The following SCIN variants were observed in gnomAD, a reference collection of about 807,000 sequenced individuals.
SCIN encodes scinderin.
SCIN carries 91 observed loss-of-function variants against 91.8 expected under a neutral mutation model. That is an observed-to-expected ratio of 0.99 (90% CI 0.84 to 1.18). The LOEUF is 1.18. Ranked by LOEUF, SCIN falls within the 50% of genes most tolerant of loss-of-function variation. The pLI, the probability that SCIN is intolerant of heterozygous loss-of-function variation, is 0.00. For synonymous variants in SCIN, 367 were observed against 312.6 expected (o/e 1.17, Z -1.84); for missense variants, 1,087 against 863.9 (o/e 1.26, Z -3.24).
At chr7:12,642,196 C>A (rs1188348129) in intron 11 of SCIN, among the ~76,000 whole-genome samples, 1 of 151,924 alleles carries the variant, frequency 6.6e-6, no homozygotes, top group African/African-American at 2.4e-5. Flanking sequence ...AGGCCCAATT[C>A]CTCCCCCACC....
rs151290394 is a variant in SCIN at position 12,610,815 on chromosome 7, T to C, written c.666+6152T>C. ...GAAAAACAACAAACAGGTCTTGAGCTTATTTATACTTAGTGCAATACTGTC... is the reference window on the plus strand; with the variant it reads ...GAAAAACAACAAACAGGTCTTGAGCCTATTTATACTTAGTGCAATACTGTC... On this transcript the variant is annotated intron_variant, in intron 4 of 15. Transcript: ENST00000297029. 4.2e-3 allele frequency among the ~76,000 whole-genome samples: 635 copies of C among 152,300 alleles called. 6 individuals are homozygous for C. The highest frequency in any genetic ancestry group is 0.014 in the African/African-American group (601 of 41,562).
Position 12,652,653 on chromosome 7 carries a change from C to T in SCIN, c.2086C>T (p.Gln696Ter). 2 of 1,611,116 alleles carry T rather than the reference C, an allele frequency of 1.2e-6. No individual in the cohort carries two copies. The highest frequency in any genetic ancestry group is 1.1e-5 in the South Asian group (1 of 90,420). ...GAGGACACCAATTGTCATCATAAAA[C>T]AGGGCCATGAGCCACCCACATTCAC... ...DKRTPIVIIK[Q>*]GHEPPTFTGW... The change falls in exon 16 of 16, where the codon CAG (glutamine) becomes TAG (stop). Residue 696 changes from glutamine to a stop codon, truncating the protein, a stop_gained. Coordinates refer to ENST00000297029, the MANE Select transcript of SCIN (RefSeq NM_001112706.3). LOFTEE classifies it high-confidence loss of function.
At chr7:12,647,489 C>G (rs923376149) in intron 13 of SCIN, among the ~76,000 whole-genome samples, 8 of 152,168 alleles carry the variant, frequency 5.3e-5, no homozygotes, top group African/African-American at 1.9e-4. Context: ...TACTTGCTGG[C>G]TGTGTGACTT....
At chr7:12,578,361 A>G (rs1445808018) in intron 2 of SCIN, 143 bp downstream of exon 2, 2 of 649,210 alleles carry the variant, frequency 3.1e-6, no homozygotes, top group South Asian at 3.1e-5. Flanking sequence ...GTTCATGGAT[A>G]TATCCCCAGT....
intron 4 of SCIN, among the ~76,000 whole-genome samples, chr7:12,605,219 T>C (rs1265335029): frequency 6.6e-6 from 1 of 152,024 alleles, no homozygotes; most frequent in Non-Finnish European, 1.5e-5. Context: ...ACCTGGCTAA[T>C]TTTTTGTATT....
At position 12,580,996 on chromosome 7, in the gene SCIN, C is replaced by T. The variant is rs1583274870; in HGVS notation, c.355-64C>T. On this transcript the variant is annotated intron_variant, in intron 2 of 15. Coordinates refer to ENST00000297029, the MANE Select transcript of SCIN (RefSeq NM_001112706.3). ...GCAGTATTATTGTGCTTTGCTTTGT[C>T]TAGGCAGACACCTCATCAGTTTTCT... 2.2e-5 allele frequency: 33 copies of T among 1,501,102 alleles called. 1 individual carries two copies. The highest frequency in any genetic ancestry group is 2.2e-4 in the South Asian group (17 of 79,064). The allele number at this position is 1,501,102 out of a possible 1,614,324, so 93.0% of individuals were successfully genotyped here.
chr7:12,583,861 T>C (rs1291077847), intron 3 of SCIN, among the ~76,000 whole-genome samples: 1 of 152,182 alleles, frequency 6.6e-6, no homozygotes, highest in Non-Finnish European at 1.5e-5. Flanking sequence ...ATTTTTATTT[T>C]ATATAGTTAA....
intron 3 of SCIN, 116 bp downstream of exon 3, chr7:12,581,337 G>A (rs1428365166): frequency 2.1e-5 from 21 of 981,640 alleles, no homozygotes; most frequent in Non-Finnish European, 2.8e-5. Context: ...AAGGGGCCAC[G>A]TTTATGTGAG....
Position 12,656,637 on chromosome 7 carries a change from A to C in SCIN, c.*3922A>C, listed in dbSNP as rs572923182. On this transcript the variant is annotated 3_prime_UTR_variant, in exon 16 of 16. Coordinates refer to ENST00000297029, the MANE Select transcript of SCIN (RefSeq NM_001112706.3). The stretch of plus-strand genomic sequence containing the variant: ...TTAGAAAAGTAGCCATTAAACCTGT[A>C]AAAAGGCCGGGCGCAGTGGCTGACG... 1.3e-5 allele frequency: 2 copies of C among 152,188 alleles called. No individual in the cohort carries two copies. The highest frequency in any genetic ancestry group is 2.1e-4 in the South Asian group (1 of 4,832). 9.4% of individuals were successfully genotyped at this position (152,188 alleles called of 1,614,324 possible). A position where few individuals can be genotyped will look rare whatever the true frequency, so the allele number is the denominator to read the frequency against.
In SCIN at chr7:12,640,339, C is replaced by T. The variant is rs1289440856; in HGVS notation, c.1411-8C>T. On this transcript the variant is annotated splice_polypyrimidine_tract_variant and splice_region_variant and intron_variant, in intron 10 of 15. Coordinates refer to ENST00000297029, the MANE Select transcript of SCIN (RefSeq NM_001112706.3). Reference sequence around the variant, plus strand: ...TATATTTCTTTTATTCCCCCTCTCCCCCATCAGATCCGAGTCTCCCAAGGC... The same window carrying T: ...TATATTTCTTTTATTCCCCCTCTCCTCCATCAGATCCGAGTCTCCCAAGGC... The T allele has an allele frequency of 1.9e-6, 3 of 1,572,698 alleles. No individual in the cohort carries two copies. The South Asian group carries it at 3.6e-5, about 19-fold the overall frequency.
At chr7:12,643,858 T>C (rs1783902543) in intron 11 of SCIN, among the ~76,000 whole-genome samples, 1 of 152,210 alleles carries the variant, frequency 6.6e-6, no homozygotes. Flanking sequence ...TTGACAATTA[T>C]ACAGAAAGTC....
At chr7:12,605,205 C>T (rs1382051535) in intron 4 of SCIN, among the ~76,000 whole-genome samples, 4 of 152,128 alleles carry the variant, frequency 2.6e-5, no homozygotes, top group Non-Finnish European at 4.4e-5. Context: ...GCGCCCACCA[C>T]CATACCTGGC....
intron 3 of SCIN, 105 bp downstream of exon 3, chr7:12,581,326 A>C (rs1782484485): frequency 1.2e-5 from 14 of 1,146,526 alleles, no homozygotes; most frequent in Non-Finnish European, 1.7e-5. Context: ...TACACACCAG[A>C]AAGGGGCCAC....
chr7:12,617,169 T>C (rs764166820), intron 4 of SCIN, among the ~76,000 whole-genome samples: 26 of 152,224 alleles, frequency 1.7e-4, no homozygotes, highest in Admixed American at 3.3e-4. Context: ...AGTAATGCTT[T>C]GACCAGGGAA....
At position 12,578,909 on chromosome 7, in the gene SCIN, G is replaced by GTTT; in HGVS notation, c.354+704_354+706dup. Among the ~76,000 whole-genome samples, 12 of 85,900 alleles carry GTTT rather than the reference G, an allele frequency of 1.4e-4. 1 individual carries two copies. Among genetic ancestry groups the GTTT allele is most frequent in the South Asian group, 4.4e-4 (1 of 2,256 alleles). The allele number at this position is 85,900 out of a possible 152,430, so 56.4% of individuals were successfully genotyped here. ...TAAGGCAGCCTTCAGTATAGGACAG[G>GTTT]TTTTTTTTTTTTTTTGGCATCCTCC... On this transcript the variant is annotated intron_variant, in intron 2 of 15. Coordinates refer to ENST00000297029, the MANE Select transcript of SCIN (RefSeq NM_001112706.3).
At chr7:12,630,566 C>A (rs1242001453) in intron 9 of SCIN, among the ~76,000 whole-genome samples, 5 of 152,236 alleles carry the variant, frequency 3.3e-5, no homozygotes, top group African/African-American at 1.2e-4. Flanking sequence ...CACTCTGACG[C>A]CACAGTCAAT....
Position 12,651,958 on chromosome 7 carries a change from T to C in SCIN, c.2020+57T>C. On this transcript the variant is annotated intron_variant, in intron 15 of 15. Coordinates refer to ENST00000297029, the MANE Select transcript of SCIN (RefSeq NM_001112706.3). The surrounding 1 kb of genome is among the most constrained non-coding windows in gnomAD (Gnocchi z 5.9). The stretch of plus-strand genomic sequence containing the variant: ...AACCGGGCACCATTATGACCGAGTG[T>C]CTGGCTTGCTCTTTGCCACCATGTC... 1 of 1,170,060 alleles carries C rather than the reference T, an allele frequency of 8.5e-7. No individual in the cohort carries two copies. Among genetic ancestry groups the C allele is most frequent in the Non-Finnish European group, 1.2e-6 (1 of 808,228 alleles). 72.5% of individuals were successfully genotyped at this position (1,170,060 alleles called of 1,614,324 possible).
intron 7 of SCIN, chr7:12,626,343 T>C: frequency 2.1e-6 from 1 of 487,274 alleles, no homozygotes; most frequent in Non-Finnish European, 3.6e-6. Flanking sequence ...GAACCTTATG[T>C]AGAAAGACAA....
chr7:12,607,664 T>C (rs1482087763), intron 4 of SCIN, among the ~76,000 whole-genome samples: 1 of 152,222 alleles, frequency 6.6e-6, no homozygotes, highest in East Asian at 1.9e-4. Context: ...TACATTTTAT[T>C]TGACTGCTTT....
Sources: allele counts gnomAD v4.1 joint callset (sites outside exome capture counted in the v4.1 genomes callset), GRCh38; gene constraint gnomAD v4.1.1; non-coding constraint Gnocchi (gnomAD v3.1); transcripts MANE v1.5; gene names NCBI Gene and HGNC (gene_info 2026-07-23, HGNC 2026-07-21).